Variants in RFX3 observed in about 807,000 individuals in gnomAD.
RFX3 encodes the protein transcription factor RFX3.
Under a neutral mutation model 98.6 loss-of-function variants are expected in RFX3, and 14 were observed. The observed-to-expected ratio is 0.14, with a 90% CI of 0.09 to 0.22. RFX3 has a LOEUF of 0.22. Among genes scored for constraint, RFX3 ranks in the 10% least tolerant of loss-of-function variants. The probability of loss-of-function intolerance (pLI) is 1.00; values close to 1 mark genes in which losing one functional copy is unlikely to be tolerated. For synonymous variants in RFX3, 383 were observed against 328.4 expected (o/e 1.17, Z -1.80); for missense variants, 639 against 926.9 (o/e 0.69, Z 4.03).
At chr9:3,306,802 G>A (rs1829377503) in intron 4 of RFX3, among the ~76,000 whole-genome samples, 1 of 152,004 alleles carries the variant, frequency 6.6e-6, no homozygotes, top group South Asian at 2.1e-4. Flanking sequence ...ATTCTGATAA[G>A]GGCAGGTTAG....
intron 8 of RFX3, among the ~76,000 whole-genome samples, chr9:3,275,835 A>C (rs1825135791): frequency 6.6e-6 from 1 of 152,154 alleles, no homozygotes; most frequent in Non-Finnish European, 1.5e-5. Context: ...TTCTAGAAAC[A>C]AAATTTGCAA....
At chr9:3,392,301 G>A (rs1018694750) in intron 2 of RFX3, among the ~76,000 whole-genome samples, 3 of 151,074 alleles carry the variant, frequency 2.0e-5, no homozygotes, top group South Asian at 4.2e-4. Flanking sequence ...TACCTTAAAA[G>A]AAACAGACTA....
intron 1 of RFX3, among the ~76,000 whole-genome samples, chr9:3,448,552 G>A (rs1477470105): frequency 2.0e-5 from 3 of 151,814 alleles, no homozygotes; most frequent in South Asian, 4.2e-4. Flanking sequence ...TCATTCTGTC[G>A]CCCAGGCTAG....
At chr9:3,440,677 T>G (rs1233610383) in intron 1 of RFX3, among the ~76,000 whole-genome samples, 1 of 152,166 alleles carries the variant, frequency 6.6e-6, no homozygotes, top group Non-Finnish European at 1.5e-5. Flanking sequence ...TTTAAAGATC[T>G]AATGCAATCC....
At chr9:3,279,486 T>G (rs915803007) in intron 7 of RFX3, among the ~76,000 whole-genome samples, 1 of 151,840 alleles carries the variant, frequency 6.6e-6, no homozygotes, top group Non-Finnish European at 1.5e-5. Context: ...AATACAGGAT[T>G]GCAAAATTAT....
Position 3,255,680 on chromosome 9 carries a change from C to T in RFX3, c.1814+1311G>A, listed in dbSNP as rs572987845. 6.6e-5 allele frequency among the ~76,000 whole-genome samples: 10 copies of T among 152,308 alleles called. 2 individuals are homozygous for T. In the South Asian group the frequency reaches 2.1e-3, roughly 32 times the overall value. ...TTCCATCCTACATATATGGTAGAGACACTGACCTACAAAGGTCATAAATGC... is the reference window on the plus strand; with the variant it reads ...TTCCATCCTACATATATGGTAGAGATACTGACCTACAAAGGTCATAAATGC... On this transcript the variant is annotated intron_variant, in intron 14 of 16. Coordinates refer to ENST00000617270, the MANE Select transcript of RFX3 (RefSeq NM_001282116.2).
intron 1 of RFX3, among the ~76,000 whole-genome samples, chr9:3,500,603 C>G (rs1815890947): frequency 6.6e-6 from 1 of 152,058 alleles, no homozygotes; most frequent in African/African-American, 2.4e-5. Flanking sequence ...TTCTAGTTCT[C>G]CTGTATGACA....
intron 16 of RFX3, among the ~76,000 whole-genome samples, chr9:3,226,095 C>A (rs1586637673): frequency 6.6e-6 from 1 of 152,106 alleles, no homozygotes; most frequent in Non-Finnish European, 1.5e-5. Context: ...AGAGAAAATG[C>A]ACATATACAG....
intron 7 of RFX3, among the ~76,000 whole-genome samples, chr9:3,285,266 T>C (rs537099546): frequency 6.6e-6 from 1 of 151,970 alleles, no homozygotes; most frequent in East Asian, 1.9e-4. Flanking sequence ...TATTTTATAC[T>C]TTAAACCTTT....
intron 1 of RFX3, among the ~76,000 whole-genome samples, chr9:3,512,650 G>C (rs897404015): frequency 1.3e-5 from 2 of 151,942 alleles, no homozygotes; most frequent in South Asian, 4.1e-4. Context: ...ACTAGTCAAA[G>C]ATCCCAGCAC....
At chr9:3,440,276 A>C (rs1485070179) in intron 1 of RFX3, among the ~76,000 whole-genome samples, 1 of 152,072 alleles carries the variant, frequency 6.6e-6, no homozygotes, top group African/African-American at 2.4e-5. Context: ...AAAATAAAAC[A>C]AACAAAAAGT....
chr9:3,442,352 C>A (rs201481121), intron 1 of RFX3, among the ~76,000 whole-genome samples: 2 of 151,660 alleles, frequency 1.3e-5, no homozygotes, highest in South Asian at 4.2e-4. Context: ...AAATCAGAAC[C>A]CCTGTGTAAT....
intron 1 of RFX3, among the ~76,000 whole-genome samples, chr9:3,457,266 C>T (rs985902708): frequency 9.4e-5 from 14 of 148,960 alleles, no homozygotes; most frequent in Non-Finnish European, 1.9e-4. Context: ...AAAACAGTAT[C>T]TGCATGATCT....
At chr9:3,451,478 A>T (rs1050213561) in intron 1 of RFX3, among the ~76,000 whole-genome samples, 9 of 152,234 alleles carry the variant, frequency 5.9e-5, no homozygotes, top group Non-Finnish European at 1.5e-5. Flanking sequence ...CAGGAGGTCG[A>T]GGCGGCAGTG....
At chr9:3,363,281 A>G (rs2131413405) in intron 2 of RFX3, among the ~76,000 whole-genome samples, 1 of 152,354 alleles carries the variant, frequency 6.6e-6, no homozygotes, top group South Asian at 2.1e-4. Flanking sequence ...AACATAAAAT[A>G]TCAATAAATG....
intron 1 of RFX3, among the ~76,000 whole-genome samples, chr9:3,507,211 G>C (rs567118729): frequency 3.3e-5 from 5 of 151,896 alleles, no homozygotes; most frequent in African/African-American, 9.6e-5. Context: ...GAAATTACTA[G>C]AAATGAACCC....
chr9:3,379,348 AAAC>A (rs944225788), intron 2 of RFX3, among the ~76,000 whole-genome samples: 3 of 152,214 alleles, frequency 2.0e-5, no homozygotes, highest in Non-Finnish European at 4.4e-5. Flanking sequence ...AATATTATTA[AAAC>A]ATAAGCAAAC....
chr9:3,364,695 G>A (rs926260441), intron 2 of RFX3: 1 of 157,392 alleles, frequency 6.4e-6, no homozygotes, highest in Non-Finnish European at 1.4e-5. Context: ...CTGACTTCAG[G>A]TTTGGATATC....
chr9:3,282,504 A>G (rs752613924), intron 7 of RFX3, among the ~76,000 whole-genome samples: 1 of 151,788 alleles, frequency 6.6e-6, no homozygotes, highest in Non-Finnish European at 1.5e-5. Flanking sequence ...GGCGAAAATC[A>G]GAGTTGTGGG....
Sources: gnomAD v4.1 joint callset for allele counts (sites outside exome capture counted in the v4.1 genomes callset) on GRCh38, gnomAD v4.1.1 for gene constraint, MANE v1.5 for transcripts, NCBI Gene and HGNC (gene_info 2026-07-23, HGNC 2026-07-21) for gene names.